EMSY: variants seen among roughly 807,000 people sequenced by gnomAD.
EMSY encodes EMSY transcriptional repressor, BRCA2 interacting.
Under a neutral mutation model 134.6 loss-of-function variants are expected in EMSY, and 26 were observed. The observed-to-expected ratio is 0.19, with a 90% CI of 0.14 to 0.27. The LOEUF (loss-of-function observed/expected upper bound fraction) is 0.27, where lower values mean the gene tolerates loss of function less well. Ranked by LOEUF, EMSY falls within the 10% of genes least tolerant of loss-of-function variation. The pLI, the probability that EMSY is intolerant of heterozygous loss-of-function variation, is 1.00. For synonymous variants in EMSY, 579 were observed against 577.8 expected, an observed-to-expected ratio of 1.00 and a Z score of -0.03; for missense variants, 1,305 against 1,611.4, an observed-to-expected ratio of 0.81 and a Z score of 3.26.
chr11:76,461,452 A>AG (rs1948113821), intron 6 of EMSY, among the ~76,000 whole-genome samples: 1 of 152,174 alleles, frequency 6.6e-6, no homozygotes, highest in Non-Finnish European at 1.5e-5. Flanking sequence ...TTCTATGTTA[A>AG]GTTGCTGTGT....
intron 9 of EMSY, among the ~76,000 whole-genome samples, chr11:76,509,410 T>C (rs1001086574): frequency 3.3e-5 from 5 of 152,144 alleles, no homozygotes; most frequent in African/African-American, 9.7e-5. Flanking sequence ...GGAGAATTGC[T>C]TGAACCCAGG....
intron 4 of EMSY, 123 bp downstream of exon 4, chr11:76,453,511 G>A (rs1947751764): frequency 1.2e-6 from 1 of 831,338 alleles, no homozygotes; most frequent in Non-Finnish European, 1.8e-6. Context: ...TATACTCAGG[G>A]ATCCTGATCA....
intron 20 of EMSY, 41 bp from the exon 22 acceptor site, chr11:76,549,911 C>A: frequency 6.9e-7 from 1 of 1,442,222 alleles, no homozygotes; most frequent in Non-Finnish European, 9.3e-7. Context: ...ATTCTGCTAC[C>A]TTTTCTTACC....
chr11:76,528,582 T>C (rs1691465509), intron 14 of EMSY, 116 bp downstream of exon 15: 1 of 638,688 alleles, frequency 1.6e-6, no homozygotes, highest in Non-Finnish European at 2.5e-6. Context: ...ATCAATTCTT[T>C]TCCTTTTTTT....
At chr11:76,449,745 T>C (rs1947575399) in intron 2 of EMSY, among the ~76,000 whole-genome samples, 1 of 152,218 alleles carries the variant, frequency 6.6e-6, no homozygotes, top group Non-Finnish European at 1.5e-5. Context: ...ATTTTTACCG[T>C]TCTCTGTTCT....
intron 9 of EMSY, among the ~76,000 whole-genome samples, chr11:76,509,766 C>CT (rs767033878): frequency 6.6e-6 from 1 of 152,080 alleles, no homozygotes; most frequent in Non-Finnish European, 1.5e-5. Context: ...TGTGGAGACT[C>CT]TGACAATATA....
chr11:76,447,072 C>G (rs921110049), intron 2 of EMSY, 64 bp downstream of exon 2: 1 of 1,497,490 alleles, frequency 6.7e-7, no homozygotes, highest in African/African-American at 1.4e-5. Context: ...CTGCCTAGGT[C>G]ATAGCTGTTT....
At chr11:76,545,844 T>C in exon 20 of EMSY, 2 of 1,613,800 alleles carry the variant, frequency 1.2e-6, no homozygotes, top group Non-Finnish European at 1.7e-6. Flanking sequence ...CAAAGATAAC[T>C]TTTGAGGGGC....
At chr11:76,511,714 A>G (rs1172593982) in intron 9 of EMSY, among the ~76,000 whole-genome samples, 2 of 152,108 alleles carry the variant, frequency 1.3e-5, no homozygotes, top group African/African-American at 4.8e-5. Flanking sequence ...AATAATAATA[A>G]TAAAATAATA....
At chr11:76,522,574 T>A (rs983020745) in intron 11 of EMSY, among the ~76,000 whole-genome samples, 1 of 152,078 alleles carries the variant, frequency 6.6e-6, no homozygotes, top group South Asian at 2.1e-4. Flanking sequence ...TTCACCAGGC[T>A]GATCTTGAAC....
intron 2 of EMSY, among the ~76,000 whole-genome samples, chr11:76,451,556 C>G (rs1052966868): frequency 6.6e-6 from 1 of 152,148 alleles, no homozygotes; most frequent in Non-Finnish European, 1.5e-5. Context: ...GGTGCCTATT[C>G]CCAGTTGTTG....
At chr11:76,448,626 G>T (rs1947519701) in intron 2 of EMSY, among the ~76,000 whole-genome samples, 2 of 151,856 alleles carry the variant, frequency 1.3e-5, no homozygotes, top group Non-Finnish European at 1.5e-5. Flanking sequence ...CTATATAAAA[G>T]AAAACAGTCA....
chr11:76,542,362 C>G (rs1951470136), exon 18 of EMSY: 1 of 1,613,770 alleles, frequency 6.2e-7, no homozygotes, highest in South Asian at 1.1e-5. Flanking sequence ...CCACATTATG[C>G]AGCAGGTTGT....
At chr11:76,480,464 T>C (rs1264970778) in intron 8 of EMSY, among the ~76,000 whole-genome samples, 3 of 152,244 alleles carry the variant, frequency 2.0e-5, no homozygotes. Context: ...ATTTTATTTC[T>C]TGATGACTGT....
At chr11:76,522,352 CTTTTTTTTTT>C (rs71040003) in intron 11 of EMSY, among the ~76,000 whole-genome samples, 157 of 44,236 alleles carry the variant, frequency 3.5e-3, no homozygotes, top group Non-Finnish European at 4.3e-3. Context: ...GTTTACTTTG[CTTTTTTTTTT>C]TTTTTTTTTT....
intron 7 of EMSY, among the ~76,000 whole-genome samples, chr11:76,468,159 T>C (rs2135270895): frequency 1.3e-5 from 2 of 152,224 alleles, no homozygotes; most frequent in South Asian, 4.1e-4. Flanking sequence ...TTACCATATA[T>C]TTATTTTTAT....
At chr11:76,515,397 C>T (rs1950416263) in intron 10 of EMSY, among the ~76,000 whole-genome samples, 1 of 151,732 alleles carries the variant, frequency 6.6e-6, no homozygotes, top group Admixed American at 6.6e-5. Flanking sequence ...CTACAACAGA[C>T]TCATGTAGTT....
At chr11:76,486,797 C>G (rs1949202894) in intron 8 of EMSY, among the ~76,000 whole-genome samples, 1 of 152,104 alleles carries the variant, frequency 6.6e-6, no homozygotes, top group Non-Finnish European at 1.5e-5. Context: ...GGTTCTGAAT[C>G]AAGGTGGTCA....
intron 8 of EMSY, among the ~76,000 whole-genome samples, chr11:76,491,639 G>A (rs989492337): frequency 3.9e-5 from 6 of 152,158 alleles, no homozygotes; most frequent in Admixed American, 1.3e-4. Context: ...CGTTTCCTAC[G>A]GATACCCTGC....
Sources: allele counts gnomAD v4.1 joint callset (sites outside exome capture counted in the v4.1 genomes callset), GRCh38; gene constraint gnomAD v4.1.1; transcripts MANE v1.5; gene names NCBI Gene and HGNC (gene_info 2026-07-23, HGNC 2026-07-21).